GPHN: variants seen among roughly 807,000 people sequenced by gnomAD.
GPHN encodes the protein gephyrin.
Under a neutral mutation model 95.5 loss-of-function variants are expected in GPHN, and 17 were observed. The ratio of observed to expected loss-of-function variants is 0.18; its 90% CI spans 0.12 to 0.27. The LOEUF is 0.27. Among genes scored for constraint, GPHN ranks in the 10% least tolerant of loss-of-function variants. GPHN has a pLI of 1.00. For synonymous variants in GPHN, 320 were observed against 322.5 expected (o/e 0.99, Z 0.08); for missense variants, 660 against 978.1 (o/e 0.67, Z 4.34).
chr14:66,804,232 T>C (rs190335536), intron 3 of GPHN, among the ~76,000 whole-genome samples: 2 of 152,322 alleles, frequency 1.3e-5, no homozygotes, highest in East Asian at 3.9e-4. Context: ...TGGTGGGTTT[T>C]CCATTCCCTC....
chr14:66,564,047 T>C (rs887966215), intron 1 of GPHN, among the ~76,000 whole-genome samples: 8 of 152,340 alleles, frequency 5.3e-5, no homozygotes, highest in Admixed American at 4.6e-4. Context: ...GACTCTCTAA[T>C]GATTTCTGAA....
the GPHN span, among the ~76,000 whole-genome samples, chr14:67,480,073 T>C: frequency 2.0e-5 from 3 of 152,292 alleles, no homozygotes; most frequent in East Asian, 5.8e-4. Context: ...CAGAAGGCTG[T>C]TGTGAGGACG....
intron 1 of GPHN, among the ~76,000 whole-genome samples, chr14:66,586,490 C>A (rs968396889): frequency 1.3e-5 from 2 of 152,152 alleles, no homozygotes; most frequent in Non-Finnish European, 2.9e-5. Context: ...CCTTGATGGT[C>A]TTTACAGTTT....
At chr14:66,968,175 G>A (rs117768375) in intron 9 of GPHN, among the ~76,000 whole-genome samples, 2,440 of 151,900 alleles carry the variant, frequency 0.016, 23 homozygotes, top group Non-Finnish European at 0.018. Flanking sequence ...ATTTGGGGCC[G>A]AGAAGTCCAA....
At chr14:66,860,172 G>A (rs575745982) in intron 4 of GPHN, among the ~76,000 whole-genome samples, 1 of 152,144 alleles carries the variant, frequency 6.6e-6, no homozygotes, top group Non-Finnish European at 1.5e-5. Flanking sequence ...CAAGGCATGT[G>A]AATAATTAAA....
At chr14:66,891,800 A>G (rs970012554) in intron 5 of GPHN, among the ~76,000 whole-genome samples, 1 of 152,026 alleles carries the variant, frequency 6.6e-6, no homozygotes, top group Non-Finnish European at 1.5e-5. Flanking sequence ...AGAAAATGCT[A>G]TTTAAAAACA....
intron 1 of GPHN, among the ~76,000 whole-genome samples, chr14:66,524,324 A>G (rs920833655): frequency 6.6e-6 from 1 of 152,130 alleles, no homozygotes; most frequent in Non-Finnish European, 1.5e-5. Flanking sequence ...TGAGGACCTT[A>G]TATGTTTGAG....
chr14:66,672,537 A>G (rs1024626964), intron 1 of GPHN, among the ~76,000 whole-genome samples: 3 of 152,112 alleles, frequency 2.0e-5, no homozygotes, highest in East Asian at 1.9e-4. Context: ...GGTTTCATCT[A>G]TTACTCCTTG....
chr14:67,635,112 C>A, the GPHN span, among the ~76,000 whole-genome samples: 3 of 152,002 alleles, frequency 2.0e-5, no homozygotes, highest in Non-Finnish European at 4.4e-5. Context: ...GGTATGGTGG[C>A]GCATGCCTGT....
At chr14:67,012,923 CTGTA>C (rs2073091174) in intron 9 of GPHN, among the ~76,000 whole-genome samples, 1 of 152,020 alleles carries the variant, frequency 6.6e-6, no homozygotes, top group Non-Finnish European at 1.5e-5. Context: ...TATTCCATTA[CTGTA>C]TTTTATTTTC....
At position 67,092,136 on chromosome 14, in the gene GPHN, T is replaced by G. The variant is rs189803382; in HGVS notation, c.1237+3061T>G. 5.4e-3 allele frequency among the ~76,000 whole-genome samples: 820 copies of G among 152,212 alleles called. 3 individuals are homozygous for G. The highest frequency in any genetic ancestry group is 0.037 in the Middle Eastern group (11 of 294). ...TTAGAACTATGCTGAATTTTCCAGT[T>G]TATACCTCCTCACTTTTTTGTCTGT... On this transcript the variant is annotated intron_variant, in intron 12 of 22. Transcript: ENST00000478722.
the GPHN span, among the ~76,000 whole-genome samples, chr14:67,655,392 T>C: frequency 6.6e-6 from 1 of 152,152 alleles, no homozygotes; most frequent in Non-Finnish European, 1.5e-5. Flanking sequence ...AATGAGTTAT[T>C]TTTCTGAGGC....
intron 1 of GPHN, among the ~76,000 whole-genome samples, chr14:66,526,514 A>G (rs1566758590): frequency 1.3e-5 from 2 of 152,138 alleles, no homozygotes; most frequent in African/African-American, 4.8e-5. Flanking sequence ...TTTCAATACT[A>G]TGTTGAATAG....
chr14:67,204,957 A>G, the GPHN span: 2 of 1,604,312 alleles, frequency 1.2e-6, no homozygotes, highest in Non-Finnish European at 1.7e-6. Context: ...TCCCGGATGT[A>G]AGAATTGTCA....
At chr14:66,821,793 C>T (rs1026442926) in intron 3 of GPHN, among the ~76,000 whole-genome samples, 1 of 152,056 alleles carries the variant, frequency 6.6e-6, no homozygotes, top group African/African-American at 2.4e-5. Context: ...GCTACTTTGG[C>T]CAACAAAATA....
chr14:67,516,677 C>T, the GPHN span, among the ~76,000 whole-genome samples: 2 of 152,194 alleles, frequency 1.3e-5, no homozygotes, highest in Non-Finnish European at 2.9e-5. Context: ...CTGTCCCTGG[C>T]CAGAATATTC....
intron 11 of GPHN, among the ~76,000 whole-genome samples, chr14:67,082,903 A>G (rs887020415): frequency 6.6e-6 from 1 of 152,306 alleles, no homozygotes; most frequent in African/African-American, 2.4e-5. Flanking sequence ...ATGGATATTT[A>G]GGTTTCCATC....
At chr14:66,941,311 A>G (rs965934077) in intron 8 of GPHN, among the ~76,000 whole-genome samples, 7 of 152,268 alleles carry the variant, frequency 4.6e-5, no homozygotes, top group Admixed American at 3.3e-4. Flanking sequence ...TTAGTCTTAT[A>G]TTTAGCCTGA....
At chr14:67,367,785 A>G in the GPHN span, among the ~76,000 whole-genome samples, 1 of 151,950 alleles carries the variant, frequency 6.6e-6, no homozygotes, top group Non-Finnish European at 1.5e-5. Flanking sequence ...GCAGTGAGCC[A>G]AGATTGCACC....
Sources: allele counts gnomAD v4.1 joint callset (sites outside exome capture counted in the v4.1 genomes callset), GRCh38; gene constraint gnomAD v4.1.1; transcripts MANE v1.5; gene names NCBI Gene and HGNC (gene_info 2026-07-23, HGNC 2026-07-21).